SPMIP2: variants seen among roughly 807,000 people sequenced by gnomAD.
SPMIP2 encodes the protein protein SPMIP2.
chr4:159,050,209 T>A, the SPMIP2 span, among the ~76,000 whole-genome samples: 1 of 151,280 alleles, frequency 6.6e-6, no homozygotes, highest in Non-Finnish European at 1.5e-5. Context: ...ACTGTATTTT[T>A]TTTTTTTTTT....
At chr4:159,078,783 A>G in the SPMIP2 span, among the ~76,000 whole-genome samples, 8 of 152,338 alleles carry the variant, frequency 5.3e-5, no homozygotes, top group African/African-American at 1.7e-4. Context: ...CTAGTTTCCT[A>G]GATCAATATG....
At chr4:158,901,465 C>T in the SPMIP2 span, among the ~76,000 whole-genome samples, 5 of 151,972 alleles carry the variant, frequency 3.3e-5, no homozygotes, top group African/African-American at 9.7e-5. Flanking sequence ...CATTATGTGT[C>T]TTGGGGTTGC....
At chr4:159,050,223 T>G in the SPMIP2 span, among the ~76,000 whole-genome samples, 1 of 119,364 alleles carries the variant, frequency 8.4e-6, no homozygotes, top group Non-Finnish European at 1.8e-5. Context: ...TTTTTTTTTT[T>G]GAAATGTGCT....
the SPMIP2 span, among the ~76,000 whole-genome samples, chr4:158,978,980 C>T: frequency 3.9e-5 from 6 of 152,162 alleles, no homozygotes; most frequent in African/African-American, 1.4e-4. Flanking sequence ...GCCGCCCCTT[C>T]CCCCAGGTGC....
chr4:158,963,539 A>G, the SPMIP2 span, among the ~76,000 whole-genome samples: 6,432 of 152,232 alleles, frequency 0.042, 448 homozygotes, highest in African/African-American at 0.15. Flanking sequence ...CATCTGCCTC[A>G]GCCTCCCAAA....
the SPMIP2 span, among the ~76,000 whole-genome samples, chr4:159,075,816 C>T: frequency 6.7e-6 from 1 of 149,110 alleles, no homozygotes; most frequent in Non-Finnish European, 1.5e-5. Flanking sequence ...ATTCTGAAAG[C>T]TCTTCAGTAT....
At chr4:158,932,011 C>T in the SPMIP2 span, among the ~76,000 whole-genome samples, 3 of 151,878 alleles carry the variant, frequency 2.0e-5, no homozygotes, top group Admixed American at 6.6e-5. Context: ...TTGTCTGAGC[C>T]GAGCATGGTG....
At chr4:159,060,431 C>T in the SPMIP2 span, among the ~76,000 whole-genome samples, 3 of 152,156 alleles carry the variant, frequency 2.0e-5, no homozygotes, top group African/African-American at 4.8e-5. Flanking sequence ...AATCTACTGT[C>T]AGTGGAGTCA....
chr4:159,052,429 G>A, the SPMIP2 span, among the ~76,000 whole-genome samples: 4 of 151,824 alleles, frequency 2.6e-5, no homozygotes, highest in African/African-American at 7.3e-5. Context: ...CCCTGCACAC[G>A]GTAAAAAAGA....
At chr4:158,997,651 G>T in the SPMIP2 span, among the ~76,000 whole-genome samples, 3 of 152,030 alleles carry the variant, frequency 2.0e-5, no homozygotes, top group Non-Finnish European at 2.9e-5. Context: ...AAGCTCTTTA[G>T]TTGTTGTTGT....
At chr4:158,910,020 CA>C in the SPMIP2 span, among the ~76,000 whole-genome samples, 1 of 151,664 alleles carries the variant, frequency 6.6e-6, no homozygotes, top group Non-Finnish European at 1.5e-5. Context: ...CCAGCCTGAG[CA>C]ACAGTGAGAC....
the SPMIP2 span, among the ~76,000 whole-genome samples, chr4:159,050,451 C>T: frequency 2.0e-5 from 3 of 152,080 alleles, no homozygotes; most frequent in Non-Finnish European, 4.4e-5. Context: ...TATCCAGTAA[C>T]AGCCCAGACT....
chr4:159,082,467 G>GTGTGTGTGTGTGTGTGTGTGTGTA, the SPMIP2 span, among the ~76,000 whole-genome samples: 1 of 149,284 alleles, frequency 6.7e-6, no homozygotes, highest in African/African-American at 2.5e-5. Flanking sequence ...GTGTGTGTGT[G>GTGTGTGTGTGTGTGTGTGTGTGTA]TGTGTGTGTG....
At chr4:159,005,562 G>A in the SPMIP2 span, among the ~76,000 whole-genome samples, 5 of 152,066 alleles carry the variant, frequency 3.3e-5, no homozygotes, top group Admixed American at 1.3e-4. Flanking sequence ...CTTTCCGATG[G>A]AGCAGCCACT....
chr4:158,984,609 A>G, the SPMIP2 span, among the ~76,000 whole-genome samples: 2 of 152,038 alleles, frequency 1.3e-5, no homozygotes. Flanking sequence ...AACATACCAG[A>G]ATCTCTGGGA....
chr4:159,015,196 T>C, the SPMIP2 span, among the ~76,000 whole-genome samples: 1 of 152,218 alleles, frequency 6.6e-6, no homozygotes, highest in Non-Finnish European at 1.5e-5. Context: ...TTGGCTAATA[T>C]ACAAATGCAA....
At chr4:158,930,827 T>C in the SPMIP2 span, among the ~76,000 whole-genome samples, 1 of 152,182 alleles carries the variant, frequency 6.6e-6, no homozygotes, top group African/African-American at 2.4e-5. Flanking sequence ...ATCTGTTGTA[T>C]ATGATAGTCA....
the SPMIP2 span, among the ~76,000 whole-genome samples, chr4:159,032,578 GTTAA>G: frequency 6.6e-6 from 1 of 152,132 alleles, no homozygotes; most frequent in African/African-American, 2.4e-5. Flanking sequence ...AATTTTAAGT[GTTAA>G]TTAAGACTCT....
At chr4:159,064,526 G>T in the SPMIP2 span, 1 of 151,422 alleles carries the variant, frequency 6.6e-6, no homozygotes, top group East Asian at 2.0e-4. Context: ...TGAAAGAAAT[G>T]CAGATGATTC....
Sources: gnomAD v4.1 joint callset for allele counts (sites outside exome capture counted in the v4.1 genomes callset) on GRCh38, gnomAD v4.1.1 for gene constraint, MANE v1.5 for transcripts, NCBI Gene and HGNC (gene_info 2026-07-23, HGNC 2026-07-21) for gene names.